The following MAP2K4 variants were observed in gnomAD, a reference collection of about 807,000 sequenced individuals.
The protein encoded by MAP2K4 is mitogen-activated protein kinase kinase 4, also known as dual specificity mitogen-activated protein kinase kinase 4.
A neutral mutation model predicts 48.5 loss-of-function variants in MAP2K4; 4 were observed. The observed-to-expected ratio is 0.08, with a 90% confidence interval of 0.04 to 0.19. The LOEUF is 0.19. MAP2K4 is among the 10% of genes least tolerant of loss of function. The pLI is 1.00. For missense variants in MAP2K4, 258 were observed against 493.3 expected (o/e 0.52, Z 4.52); for synonymous variants, 166 against 173.1 (o/e 0.96, Z 0.32).
intron 8 of MAP2K4, 58 bp from the exon 9 acceptor site, chr17:12,129,081 G>A (rs1179690946): frequency 5.1e-6 from 8 of 1,572,004 alleles, no homozygotes; most frequent in Non-Finnish European, 6.1e-6. Context: ...GGCCCTTCCA[G>A]TGGGGAGTAG....
At chr17:12,087,743 A>G (rs1971416509) in intron 3 of MAP2K4, among the ~76,000 whole-genome samples, 1 of 152,158 alleles carries the variant, frequency 6.6e-6, no homozygotes, top group Non-Finnish European at 1.5e-5. Context: ...GTAAAATCAT[A>G]TATGCTTTCA....
At chr17:12,047,205 T>C (rs1969995557) in intron 1 of MAP2K4, among the ~76,000 whole-genome samples, 1 of 152,146 alleles carries the variant, frequency 6.6e-6, no homozygotes, top group African/African-American at 2.4e-5. Context: ...GGCCCGATCC[T>C]GTCAGATGAG....
intron 1 of MAP2K4, among the ~76,000 whole-genome samples, chr17:12,044,440 A>T (rs1467017215): frequency 6.6e-6 from 1 of 152,218 alleles, no homozygotes; most frequent in Non-Finnish European, 1.5e-5. Flanking sequence ...ATTACTTATG[A>T]CTTATGACCA....
intron 3 of MAP2K4, among the ~76,000 whole-genome samples, chr17:12,085,867 G>T (rs1325699785): frequency 1.3e-5 from 2 of 151,452 alleles, no homozygotes; most frequent in South Asian, 4.2e-4. Context: ...GGGAAGTCAG[G>T]TATCAGAAAA....
intron 7 of MAP2K4, among the ~76,000 whole-genome samples, chr17:12,116,046 C>T (rs1415607150): frequency 6.6e-6 from 1 of 152,154 alleles, no homozygotes; most frequent in African/African-American, 2.4e-5. Context: ...ATGAACTGTG[C>T]ACTGAAGTCA....
At chr17:12,115,403 T>C (rs1047058909) in intron 7 of MAP2K4, 3 of 414,822 alleles carry the variant, frequency 7.2e-6, no homozygotes, top group Non-Finnish European at 1.4e-5. Context: ...CTGTTGCTTC[T>C]AGACTACAAG....
At chr17:12,101,399 A>G (rs1382390213) in intron 4 of MAP2K4, among the ~76,000 whole-genome samples, 1 of 151,728 alleles carries the variant, frequency 6.6e-6, no homozygotes, top group Non-Finnish European at 1.5e-5. Context: ...GTCTTGGACT[A>G]CTCCAGCTTT....
intron 3 of MAP2K4, among the ~76,000 whole-genome samples, chr17:12,085,188 A>G (rs535406082): frequency 6.6e-6 from 1 of 152,278 alleles, no homozygotes; most frequent in East Asian, 1.9e-4. Context: ...GAAACGTGAA[A>G]AAGTAAGAAT....
intron 9 of MAP2K4, among the ~76,000 whole-genome samples, chr17:12,136,301 A>T (rs1185173544): frequency 2.0e-5 from 3 of 152,252 alleles, no homozygotes; most frequent in Non-Finnish European, 1.5e-5. Context: ...AATAAGTTTA[A>T]AGAAAAAGAG....
intron 8 of MAP2K4, among the ~76,000 whole-genome samples, chr17:12,126,596 A>G (rs1972861435): frequency 6.6e-6 from 1 of 152,184 alleles, no homozygotes; most frequent in African/African-American, 2.4e-5. Flanking sequence ...AAGGGCACTA[A>G]TTAGATTAAT....
chr17:12,105,726 G>C (rs1221365809), intron 4 of MAP2K4, among the ~76,000 whole-genome samples: 1 of 152,074 alleles, frequency 6.6e-6, no homozygotes, highest in African/African-American at 2.4e-5. Flanking sequence ...AAAAGGAACT[G>C]TCAGAGAGAT....
intron 1 of MAP2K4, chr17:12,032,281 T>A: frequency 7.0e-7 from 1 of 1,418,690 alleles, no homozygotes; most frequent in African/African-American, 1.4e-5. Flanking sequence ...CAGATAAACT[T>A]CTGTGAAAAG....
intron 1 of MAP2K4, among the ~76,000 whole-genome samples, chr17:12,029,953 G>T (rs1042813394): frequency 8.6e-5 from 13 of 151,792 alleles, no homozygotes; most frequent in Admixed American, 8.5e-4. Context: ...TTGAACATAT[G>T]TGAGTGAATA....
chr17:12,110,630 T>G (rs28923221), intron 6 of MAP2K4: 1 of 504,684 alleles, frequency 2.0e-6, no homozygotes, highest in East Asian at 3.4e-5. Flanking sequence ...TCTTAGTATG[T>G]TGGACTTAGA....
At chr17:12,137,588 T>C (rs1973245863) in intron 9 of MAP2K4, among the ~76,000 whole-genome samples, 2 of 152,096 alleles carry the variant, frequency 1.3e-5, no homozygotes, top group Non-Finnish European at 2.9e-5. Context: ...ACAGATTATA[T>C]GAAAAGCAGT....
At chr17:12,066,919 C>T (rs1015984599) in intron 2 of MAP2K4, among the ~76,000 whole-genome samples, 2 of 152,118 alleles carry the variant, frequency 1.3e-5, no homozygotes, top group African/African-American at 4.8e-5. Flanking sequence ...CCTCGTGATC[C>T]GCCCGCCTCG....
rs143291591 is a variant in MAP2K4, at chr17:12,086,127, C to G, written c.393+4597C>G. Among the ~76,000 whole-genome samples, 1,129 of 152,246 alleles carry G rather than the reference C, an allele frequency of 7.4e-3. 12 individuals are homozygous for G. The highest frequency in any genetic ancestry group is 0.024 in the African/African-American group (1,011 of 41,548). ...GGCCATTTTATTCACTTCCAAAGGG[C>G]CGCAGTGATCATATTTGATTATCCA... On this transcript the variant is annotated intron_variant, in intron 3 of 10. Transcript: ENST00000353533.
intron 1 of MAP2K4, chr17:12,032,380 C>A: frequency 1.7e-6 from 1 of 585,262 alleles, no homozygotes; most frequent in Non-Finnish European, 2.6e-6. Flanking sequence ...ACTATTGTTT[C>A]AGCTAACCAG....
Position 12,107,755 on chromosome 17 carries a change from A to T in MAP2K4, c.514-35A>T. On this transcript the variant is annotated intron_variant, in intron 4 of 10. Coordinates refer to ENST00000353533, the MANE Select transcript of MAP2K4 (RefSeq NM_003010.4). ...AAGTAAAGGCAAGGTGATATTTAAGATGTATAAGAATAACAGATATTTGTT... is the reference window on the plus strand; with the variant it reads ...AAGTAAAGGCAAGGTGATATTTAAGTTGTATAAGAATAACAGATATTTGTT... The T allele has an allele frequency of 3.3e-6, 5 of 1,526,658 alleles. No individual in the cohort carries two copies. In the East Asian group the frequency reaches 9.6e-5, roughly 29 times the overall value. The allele number at this position is 1,526,658 out of a possible 1,614,324, so 94.6% of individuals were successfully genotyped here. A position where few individuals can be genotyped will look rare whatever the true frequency, so the allele number is the denominator to read the frequency against.
Sources: gnomAD v4.1 joint callset for allele counts (sites outside exome capture counted in the v4.1 genomes callset) on GRCh38, gnomAD v4.1.1 for gene constraint, MANE v1.5 for transcripts, NCBI Gene and HGNC (gene_info 2026-07-23, HGNC 2026-07-21) for gene names.